Variants in IL6ST observed in about 807,000 individuals in gnomAD.
The protein encoded by IL6ST is interleukin 6 cytokine family signal transducer.
Under a neutral mutation model 91.3 loss-of-function variants are expected in IL6ST, and 24 were observed. The ratio of observed to expected loss-of-function variants is 0.26; its 90% CI spans 0.19 to 0.37. The LOEUF (loss-of-function observed/expected upper bound fraction) is 0.37. Ranked by LOEUF, IL6ST falls within the 10% of genes least tolerant of loss-of-function variation. IL6ST has a pLI of 1.00. For missense variants in IL6ST, 914 were observed against 1,078.5 expected (o/e 0.85, Z 2.14); for synonymous variants, 351 against 373.6 (o/e 0.94, Z 0.70).
At chr5:55,990,241 T>C (rs1238421176) in intron 1 of IL6ST, among the ~76,000 whole-genome samples, 1 of 152,096 alleles carries the variant, frequency 6.6e-6, no homozygotes, top group African/African-American at 2.4e-5. Flanking sequence ...GCTAATTTCT[T>C]ATTAAATCTT....
chr5:55,986,691 T>C (rs1031559981), intron 1 of IL6ST, among the ~76,000 whole-genome samples: 2 of 152,232 alleles, frequency 1.3e-5, no homozygotes, highest in African/African-American at 4.8e-5. Context: ...TTTTCCTTGT[T>C]AGCTAATAAG....
intron 1 of IL6ST, among the ~76,000 whole-genome samples, chr5:55,983,104 A>G (rs1247667925): frequency 1.3e-5 from 2 of 151,828 alleles, no homozygotes; most frequent in Non-Finnish European, 2.9e-5. Flanking sequence ...GGCTCAGGTA[A>G]TTCTCCCACC....
At chr5:55,950,071 A>G (rs1751528225) in intron 14 of IL6ST, 9 of 366,734 alleles carry the variant, frequency 2.5e-5, no homozygotes, top group South Asian at 1.9e-4. Context: ...GGTACGCACA[A>G]TCAACAGGAC....
chr5:55,964,126 A>T lies in IL6ST; in HGVS notation c.658+20T>A. 7.0e-7 allele frequency: 1 copy of T among 1,429,700 alleles called. No homozygotes were observed. The highest frequency in any genetic ancestry group is 9.5e-7 in the Non-Finnish European group (1 of 1,051,118). The allele number at this position is 1,429,700 out of a possible 1,614,324, so 88.6% of individuals were successfully genotyped here. ...CGACTACAGTGTCAAATAAACTCTC[A>T]AATTCAGGTTTATAACTACCTTTAT... is the stretch of plus-strand genomic sequence containing the variant. On this transcript the variant is annotated intron_variant, in intron 6 of 16. Coordinates refer to ENST00000381298, the MANE Select transcript of IL6ST (RefSeq NM_002184.4).
At chr5:55,981,137 C>G (rs1218314027) in intron 2 of IL6ST, among the ~76,000 whole-genome samples, 2 of 152,164 alleles carry the variant, frequency 1.3e-5, no homozygotes, top group Non-Finnish European at 2.9e-5. Context: ...CCATGGAACA[C>G]AAGCAAAGCG....
At chr5:55,976,133 C>T (rs1753274587) in intron 3 of IL6ST, 82 bp downstream of exon 3, 1 of 549,818 alleles carries the variant, frequency 1.8e-6, no homozygotes, top group South Asian at 3.9e-5. Context: ...AATAATTAAA[C>T]ATAAGCTTAA....
At chr5:55,973,136 A>T (rs375111619) in intron 3 of IL6ST, among the ~76,000 whole-genome samples, 28 of 152,304 alleles carry the variant, frequency 1.8e-4, no homozygotes, top group African/African-American at 6.5e-4. Flanking sequence ...ACCCATATAT[A>T]AAAAAACTGA....
chr5:55,956,531 G>GT (rs1297080209), intron 9 of IL6ST, among the ~76,000 whole-genome samples: 1 of 152,160 alleles, frequency 6.6e-6, no homozygotes, highest in Non-Finnish European at 1.5e-5. Context: ...TTATGCTTGA[G>GT]TATTTTTCTA....
At chr5:55,965,240 A>G (rs1752564733) in intron 5 of IL6ST, among the ~76,000 whole-genome samples, 1 of 152,176 alleles carries the variant, frequency 6.6e-6, no homozygotes, top group Non-Finnish European at 1.5e-5. Flanking sequence ...TGTTGGTGCT[A>G]ATACTGTTGT....
chr5:55,968,518 G>A (rs1329510410), intron 4 of IL6ST, 122 bp from the exon 5 acceptor site: 11 of 823,794 alleles, frequency 1.3e-5, no homozygotes, highest in Non-Finnish European at 1.9e-5. Flanking sequence ...CAAGCAAAAA[G>A]TATGGACACA....
At chr5:55,958,853 A>T (rs1752140550) in intron 8 of IL6ST, among the ~76,000 whole-genome samples, 1 of 149,534 alleles carries the variant, frequency 6.7e-6, no homozygotes, top group South Asian at 2.1e-4. Flanking sequence ...AAAAAAAAAA[A>T]AAAAATTTAA....
intron 9 of IL6ST, among the ~76,000 whole-genome samples, chr5:55,956,752 T>C (rs941874990): frequency 2.5e-4 from 38 of 152,182 alleles, no homozygotes; most frequent in Non-Finnish European, 5.6e-4. Context: ...ATAATATTAA[T>C]ACATATAAAG....
intron 3 of IL6ST, among the ~76,000 whole-genome samples, chr5:55,970,174 C>T (rs1752880235): frequency 6.6e-6 from 1 of 152,148 alleles, no homozygotes; most frequent in Non-Finnish European, 1.5e-5. Flanking sequence ...ACAACGTATC[C>T]TGTCCCTCCA....
intron 2 of IL6ST, among the ~76,000 whole-genome samples, chr5:55,981,110 G>C (rs1199325746): frequency 1.3e-5 from 2 of 152,182 alleles, no homozygotes; most frequent in African/African-American, 2.4e-5. Context: ...AAAGCAATTA[G>C]ATTTGTTTGA....
Position 55,935,632 on chromosome 5 carries a change from C to T in IL6ST, c.*5450G>A, listed in dbSNP as rs1750469876. 2 of 219,642 alleles carry T rather than the reference C, an allele frequency of 9.1e-6. No individual in the cohort carries two copies. The highest frequency in any genetic ancestry group is 1.8e-5 in the Non-Finnish European group (2 of 109,520). The allele number at this position is 219,642 out of a possible 1,614,324, so 13.6% of individuals were successfully genotyped here. A position where few individuals can be genotyped will look rare whatever the true frequency, so the allele number is the denominator to read the frequency against. Reference sequence around the variant, plus strand: ...TTCACACATTCTTCTTTTTCTACCTCAGTTCCTCTTTGCTTGTAGTCTTTC... The same window carrying T: ...TTCACACATTCTTCTTTTTCTACCTTAGTTCCTCTTTGCTTGTAGTCTTTC... On this transcript the variant is annotated 3_prime_UTR_variant, in exon 17 of 17. Transcript: ENST00000381298.
chr5:55,950,373 C>T (rs1414711614), intron 14 of IL6ST, among the ~76,000 whole-genome samples: 1 of 150,630 alleles, frequency 6.6e-6, no homozygotes, highest in East Asian at 2.0e-4. Flanking sequence ...CCCGTCTCTA[C>T]AAAAATACAA....
At chr5:55,974,454 T>C (rs906240780) in intron 3 of IL6ST, among the ~76,000 whole-genome samples, 3 of 151,884 alleles carry the variant, frequency 2.0e-5, no homozygotes, top group Non-Finnish European at 4.4e-5. Context: ...GCCTCCCAAG[T>C]AGCTGAGACT....
At chr5:55,954,164 T>C (rs903774989) in intron 11 of IL6ST, among the ~76,000 whole-genome samples, 4 of 152,224 alleles carry the variant, frequency 2.6e-5, no homozygotes, top group African/African-American at 9.6e-5. Flanking sequence ...AAAAACTTTA[T>C]GGCAGGAATC....
chr5:55,971,325 C>A (rs774681759), intron 3 of IL6ST, among the ~76,000 whole-genome samples: 5 of 152,146 alleles, frequency 3.3e-5, no homozygotes, highest in Non-Finnish European at 7.3e-5. Flanking sequence ...TCAACATCTT[C>A]TTTCCAATGC....
Sources: allele counts gnomAD v4.1 joint callset (sites outside exome capture counted in the v4.1 genomes callset), GRCh38; gene constraint gnomAD v4.1.1; transcripts MANE v1.5; gene names NCBI Gene and HGNC (gene_info 2026-07-23, HGNC 2026-07-21).